ZSCAN5A: variants seen among roughly 807,000 people sequenced by gnomAD.
The protein encoded by ZSCAN5A is zinc finger and SCAN domain containing 5A.
ZSCAN5A carries 12 observed loss-of-function variants against 23.7 expected under a neutral mutation model. The ratio of observed to expected loss-of-function variants is 0.51; its 90% CI spans 0.32 to 0.82. ZSCAN5A has a LOEUF of 0.82. ZSCAN5A is among the 40% of genes least tolerant of loss of function. The probability of loss-of-function intolerance (pLI) is 0.03; values close to 1 mark genes in which losing one functional copy is unlikely to be tolerated. For synonymous variants in ZSCAN5A, 257 were observed against 239.9 expected (o/e 1.07, Z -0.66); for missense variants, 597 against 617.9 (o/e 0.97, Z 0.36).
intron 2 of ZSCAN5A, chr19:56,302,165 A>G (rs2040279948): frequency 8.6e-7 from 1 of 1,157,832 alleles, no homozygotes; most frequent in East Asian, 3.2e-5. Context: ...GTGGGGGCAC[A>G]GAGGAAGCGA....
intron 2 of ZSCAN5A, among the ~76,000 whole-genome samples, chr19:56,353,756 T>C (rs12104316): frequency 0.03 from 4,529 of 152,058 alleles, 184 homozygotes; most frequent in African/African-American, 0.094. Context: ...CACTCCAGCC[T>C]GGGTGACAGA....
intron 2 of ZSCAN5A, among the ~76,000 whole-genome samples, chr19:56,293,168 T>C (rs1461185854): frequency 6.6e-6 from 1 of 152,128 alleles, no homozygotes; most frequent in South Asian, 2.1e-4. Context: ...AAAAATGGTA[T>C]CCTGCAGCTC....
At chr19:56,241,508 T>C (rs1196993252) in intron 2 of ZSCAN5A, among the ~76,000 whole-genome samples, 1 of 152,256 alleles carries the variant, frequency 6.6e-6, no homozygotes, top group Non-Finnish European at 1.5e-5. Context: ...ATAATGTGCT[T>C]TGTAGGATGT....
chr19:56,225,977 G>A (rs1332729650), intron 2 of ZSCAN5A, among the ~76,000 whole-genome samples: 1 of 151,602 alleles, frequency 6.6e-6, no homozygotes, highest in African/African-American at 2.4e-5. Context: ...TTAAAGAAGT[G>A]GGTTGATACA....
chr19:56,321,795 A>G (rs1033737661), intron 2 of ZSCAN5A: 2 of 1,186,746 alleles, frequency 1.7e-6, no homozygotes, highest in Non-Finnish European at 2.5e-6. Flanking sequence ...CCTACCCAGT[A>G]GTAAGGTAAC....
chr19:56,302,042 T>C, intron 2 of ZSCAN5A: 1 of 1,231,892 alleles, frequency 8.1e-7, no homozygotes, highest in South Asian at 4.1e-5. Flanking sequence ...CTTCCTGAAA[T>C]GCGCCTACAT....
chr19:56,326,616 A>AGT (rs2147431163), intron 2 of ZSCAN5A, among the ~76,000 whole-genome samples: 1 of 152,122 alleles, frequency 6.6e-6, no homozygotes, highest in Non-Finnish European at 1.5e-5. Flanking sequence ...CACTTCCCAT[A>AGT]GTGTACCGCT....
At chr19:56,338,024 G>GA (rs1266430554) in intron 2 of ZSCAN5A, among the ~76,000 whole-genome samples, 1 of 152,192 alleles carries the variant, frequency 6.6e-6, no homozygotes, top group Admixed American at 6.5e-5. Context: ...TGGAAGAGGG[G>GA]AGAGTATAAC....
intron 2 of ZSCAN5A, among the ~76,000 whole-genome samples, chr19:56,287,174 C>T (rs2039187314): frequency 6.6e-6 from 1 of 152,216 alleles, no homozygotes; most frequent in South Asian, 2.1e-4. Context: ...AACCACCATG[C>T]ACTTTCTCTG....
At chr19:56,279,768 T>C (rs1208508429) in intron 2 of ZSCAN5A, among the ~76,000 whole-genome samples, 1 of 152,202 alleles carries the variant, frequency 6.6e-6, no homozygotes, top group Non-Finnish European at 1.5e-5. Context: ...CTGAACCTTC[T>C]AAACCTAAAC....
chr19:56,230,111 A>ATAT (rs892158434), intron 2 of ZSCAN5A, among the ~76,000 whole-genome samples: 7 of 151,760 alleles, frequency 4.6e-5, no homozygotes, highest in African/African-American at 7.3e-5. Context: ...CATTATTATT[A>ATAT]TATTATTATT....
chr19:56,240,779 C>G (rs550199505), intron 2 of ZSCAN5A, among the ~76,000 whole-genome samples: 1 of 152,246 alleles, frequency 6.6e-6, no homozygotes, highest in South Asian at 2.1e-4. Context: ...CACTCATTGC[C>G]CAGGCTGGCT....
chr19:56,288,626 G>A (rs938456276), intron 2 of ZSCAN5A, among the ~76,000 whole-genome samples: 8 of 152,162 alleles, frequency 5.3e-5, no homozygotes, highest in Non-Finnish European at 1.0e-4. Flanking sequence ...CTTGCGTGAT[G>A]CCCAGCACAC....
intron 2 of ZSCAN5A, among the ~76,000 whole-genome samples, chr19:56,243,426 C>CAT (rs35528966): frequency 0.57 from 87,236 of 151,792 alleles, 25,519 homozygotes; most frequent in South Asian, 0.72. Flanking sequence ...GTTGAATTCT[C>CAT]ATGATTACTT....
chr19:56,363,470 T>G (rs778887126), intron 1 of ZSCAN5A: 2 of 152,164 alleles, frequency 1.3e-5, no homozygotes, highest in Non-Finnish European at 1.5e-5. Flanking sequence ...CAAAACTGGG[T>G]AATGGGCAAA....
intron 2 of ZSCAN5A, chr19:56,348,319 A>G (rs2041647639): frequency 6.6e-6 from 1 of 152,202 alleles, no homozygotes; most frequent in Non-Finnish European, 1.5e-5. Flanking sequence ...AGGCTAATCC[A>G]ATCTTTTTCT....
At chr19:56,315,255 C>T (rs1287111417), upstream of ZSCAN5A, 3 of 152,124 alleles carry the variant, frequency 2.0e-5, no homozygotes, top group Non-Finnish European at 4.4e-5. Flanking sequence ...CTTTAAAGGA[C>T]GGGATAGAGT....
At chr19:56,288,868 C>T (rs948186996) in intron 2 of ZSCAN5A, among the ~76,000 whole-genome samples, 1 of 152,172 alleles carries the variant, frequency 6.6e-6, no homozygotes. Context: ...ACATTCTAGC[C>T]TCCAGATAGG....
At chr19:56,245,010 G>C (rs1459344450) in intron 2 of ZSCAN5A, among the ~76,000 whole-genome samples, 1 of 152,208 alleles carries the variant, frequency 6.6e-6, no homozygotes, top group Admixed American at 6.5e-5. Flanking sequence ...CTTTGGTTTA[G>C]AGACCCTTTC....
Sources: gnomAD v4.1 joint callset for allele counts (sites outside exome capture counted in the v4.1 genomes callset) on GRCh38, gnomAD v4.1.1 for gene constraint, MANE v1.5 for transcripts, NCBI Gene and HGNC (gene_info 2026-07-23, HGNC 2026-07-21) for gene names.